DCAF4: variants seen among roughly 807,000 people sequenced by gnomAD.
DCAF4 encodes the protein DDB1 and CUL4 associated factor 4, also known as DDB1- and CUL4-associated factor 4.
Under a neutral mutation model 60.9 loss-of-function variants are expected in DCAF4, and 37 were observed. The observed-to-expected ratio is 0.61, with a 90% CI of 0.47 to 0.80. The LOEUF is 0.80. DCAF4 is among the 30% of genes least tolerant of loss of function. The probability of loss-of-function intolerance (pLI) is 0.00; values close to 1 mark genes in which losing one functional copy is unlikely to be tolerated. For missense variants in DCAF4, 577 were observed against 650.0 expected (o/e 0.89, Z 1.22); for synonymous variants, 243 against 254.8 (o/e 0.95, Z 0.44).
intron 8 of DCAF4, among the ~76,000 whole-genome samples, 162 bp from the exon 9 acceptor site, chr14:72,951,635 AC>A (rs1891428969): frequency 6.6e-6 from 1 of 152,106 alleles, no homozygotes. Context: ...CAAAAAAAAA[AC>A]ATCTGAAGGT....
rs574173478 is a variant in DCAF4 at position 72,941,916 on chromosome 14, A to G, written c.431+92A>G. The G allele has an allele frequency of 1.2e-5, 17 of 1,374,000 alleles. No homozygotes were observed. In the East Asian group the frequency reaches 1.8e-4, roughly 15 times the overall value. The allele number at this position is 1,374,000 out of a possible 1,614,324, so 85.1% of individuals were successfully genotyped here. On this transcript the variant is annotated intron_variant, in intron 5 of 13. Transcript: ENST00000358377. ...TATAAGAATCCAGTCTGGATAGACC[A>G]TGTGGCTACCCCGTGAAGCACCTGC...
At chr14:72,938,254 G>A (rs1418812908) in intron 2 of DCAF4, among the ~76,000 whole-genome samples, 184 bp downstream of exon 2, 2 of 152,108 alleles carry the variant, frequency 1.3e-5, no homozygotes, top group African/African-American at 2.4e-5. Flanking sequence ...AGGGCATGTC[G>A]CTTTGGTGGG....
chr14:72,936,739 G>A (rs1428181723), intron 1 of DCAF4, among the ~76,000 whole-genome samples: 1 of 152,140 alleles, frequency 6.6e-6, no homozygotes, highest in Non-Finnish European at 1.5e-5. Flanking sequence ...GGAACTTGGT[G>A]CTCAGTAGCG....
intron 8 of DCAF4, among the ~76,000 whole-genome samples, chr14:72,949,741 A>C (rs1444501772): frequency 6.6e-6 from 1 of 152,248 alleles, no homozygotes; most frequent in Non-Finnish European, 1.5e-5. Context: ...TGAGCGAAAG[A>C]GCAAGACTCC....
At chr14:72,947,653 T>A (rs1476927546) in intron 8 of DCAF4, among the ~76,000 whole-genome samples, 1 of 152,176 alleles carries the variant, frequency 6.6e-6, no homozygotes, top group Admixed American at 6.5e-5. Flanking sequence ...GCCCAGCTCC[T>A]CCTGAGGCCA....
chr14:72,950,366 G>A (rs1205500855), intron 8 of DCAF4, among the ~76,000 whole-genome samples: 3 of 152,148 alleles, frequency 2.0e-5, no homozygotes, highest in African/African-American at 7.2e-5. Flanking sequence ...AGAGAGTGGT[G>A]GGTTGAGGCC....
downstream of DCAF4, chr14:72,959,722 C>T (rs1206194022): frequency 2.1e-6 from 2 of 939,364 alleles, no homozygotes; most frequent in Non-Finnish European, 2.5e-6. Flanking sequence ...CTTTCATAGC[C>T]TTCCTGGAGA....
In DCAF4 at chr14:72,951,881, C is replaced by T. The variant is rs1249145974; in HGVS notation, c.808+4C>T. ...CTGTTCGTCAATAGTCACCCAGGTA[C>T]AGGGTTCTCCTCCTTTAAAGAAATC... On this transcript the variant is annotated splice_donor_region_variant and intron_variant, in intron 9 of 13. Coordinates refer to ENST00000358377, the MANE Select transcript of DCAF4 (RefSeq NM_015604.4). 5 of 1,614,034 alleles carry T rather than the reference C, an allele frequency of 3.1e-6. No homozygotes were observed. The highest frequency in any genetic ancestry group is 4.2e-6 in the Non-Finnish European group (5 of 1,180,014).
At position 72,939,792 on chromosome 14, in the gene DCAF4, GTGTCAACAGGTC is replaced by G. The variant is rs1889774662; in HGVS notation, c.93-7_97del. 6.2e-7 allele frequency: 1 copy of G among 1,607,030 alleles called. No homozygotes were observed. The highest frequency in any genetic ancestry group is 8.5e-7 in the Non-Finnish European group (1 of 1,176,642). ...CTGGGCTGCAAGTTAACACAGCTGTGTGTCAACAGGTCTGACTCCCGGGCAGCACAGCCCGCT... is the reference window on the plus strand; with the variant it reads ...CTGGGCTGCAAGTTAACACAGCTGTGTGACTCCCGGGCAGCACAGCCCGCT... On this transcript the variant is annotated splice_acceptor_variant and splice_polypyrimidine_tract_variant and coding_sequence_variant and intron_variant, in exon 3 of 14. Coordinates refer to ENST00000358377, the MANE Select transcript of DCAF4 (RefSeq NM_015604.4). LOFTEE classifies it high-confidence loss of function.
intron 1 of DCAF4, 33 bp downstream of exon 1, chr14:72,926,576 A>G (rs2098322): frequency 0.51 from 77,141 of 151,972 alleles, 20,056 homozygotes; most frequent in African/African-American, 0.6. Context: ...GCCTACTGGC[A>G]TCGATTCGAG....
chr14:72,954,283 G>A (rs530492427), intron 10 of DCAF4, 21 bp downstream of exon 10: 1 of 1,614,036 alleles, frequency 6.2e-7, no homozygotes, highest in African/African-American at 1.3e-5. Context: ...CTCCCCAGGT[G>A]CCCAGAGAAG....
chr14:72,940,531 C>T (rs1178105862), intron 4 of DCAF4, 154 bp downstream of exon 4: 10 of 661,778 alleles, frequency 1.5e-5, no homozygotes, highest in African/African-American at 1.1e-4. Context: ...AGGAAGAAGA[C>T]AAGAATAAGA....
At chr14:72,940,731 C>T (rs1185775475) in intron 4 of DCAF4, among the ~76,000 whole-genome samples, 7 of 151,694 alleles carry the variant, frequency 4.6e-5, no homozygotes, top group Non-Finnish European at 1.0e-4. Flanking sequence ...GCTGGGACTA[C>T]AGGCACGTGC....
At chr14:72,927,449 T>C (rs982723489) in intron 1 of DCAF4, among the ~76,000 whole-genome samples, 1 of 151,128 alleles carries the variant, frequency 6.6e-6, no homozygotes, top group Non-Finnish European at 1.5e-5. Context: ...CCCCCGGGGT[T>C]CACGCCATTC....
intron 3 of DCAF4, 71 bp from the exon 4 acceptor site, chr14:72,940,149 C>T (rs2140232101): frequency 1.3e-6 from 2 of 1,585,050 alleles, no homozygotes; most frequent in East Asian, 2.2e-5. Flanking sequence ...GGGGACAGGC[C>T]ACTGGGCGCC....
intron 8 of DCAF4, among the ~76,000 whole-genome samples, chr14:72,947,502 C>T (rs1397558955): frequency 6.6e-6 from 1 of 152,260 alleles, no homozygotes; most frequent in African/African-American, 2.4e-5. Context: ...GGCAGTCTGA[C>T]TCCAAGGCCG....
intron 2 of DCAF4, 97 bp downstream of exon 2, chr14:72,938,167 G>A: frequency 1.4e-6 from 2 of 1,451,588 alleles, no homozygotes; most frequent in South Asian, 1.5e-5. Flanking sequence ...GATCACCTGG[G>A]GGCTCGTCCC....
At chr14:72,928,885 G>C (rs1478061482) in intron 1 of DCAF4, among the ~76,000 whole-genome samples, 1 of 152,168 alleles carries the variant, frequency 6.6e-6, no homozygotes, top group Non-Finnish European at 1.5e-5. Flanking sequence ...AAACTGGAGA[G>C]CCCCAAGGGG....
At chr14:72,938,253 C>T (rs1166325446) in intron 2 of DCAF4, among the ~76,000 whole-genome samples, 183 bp downstream of exon 2, 1 of 152,116 alleles carries the variant, frequency 6.6e-6, no homozygotes, top group South Asian at 2.1e-4. Flanking sequence ...CAGGGCATGT[C>T]GCTTTGGTGG....
Sources: allele counts gnomAD v4.1 joint callset (sites outside exome capture counted in the v4.1 genomes callset), GRCh38; gene constraint gnomAD v4.1.1; transcripts MANE v1.5; gene names NCBI Gene and HGNC (gene_info 2026-07-23, HGNC 2026-07-21).